Variants in SPPL3 observed in about 807,000 individuals in gnomAD.
The protein encoded by SPPL3 is signal peptide peptidase like 3, also known as signal peptide peptidase-like 3.
Under a neutral mutation model 42.4 loss-of-function variants are expected in SPPL3, and 5 were observed. The ratio of observed to expected loss-of-function variants is 0.12; its 90% CI spans 0.06 to 0.25. The LOEUF (loss-of-function observed/expected upper bound fraction) is 0.25. Among genes scored for constraint, SPPL3 ranks in the 10% least tolerant of loss-of-function variants. The pLI, the probability that SPPL3 is intolerant of heterozygous loss-of-function variation, is 1.00. For synonymous variants in SPPL3, 195 were observed against 181.8 expected, an observed-to-expected ratio of 1.07 and a Z score of -0.58; for missense variants, 235 against 489.0, an observed-to-expected ratio of 0.48 and a Z score of 4.90.
At chr12:120,823,735 G>A (rs971180843) in intron 1 of SPPL3, among the ~76,000 whole-genome samples, 1 of 152,146 alleles carries the variant, frequency 6.6e-6, no homozygotes, top group African/African-American at 2.4e-5. Flanking sequence ...ACTGAGTCAT[G>A]TGCCCAGCAC....
chr12:120,812,626 G>A (rs1487368953), intron 1 of SPPL3, among the ~76,000 whole-genome samples: 1 of 152,164 alleles, frequency 6.6e-6, no homozygotes, highest in African/African-American at 2.4e-5. Flanking sequence ...TCTCCAAATT[G>A]AAAGATCAGG....
At chr12:120,839,122 T>A (rs866868181) in intron 1 of SPPL3, among the ~76,000 whole-genome samples, 129 of 151,750 alleles carry the variant, frequency 8.5e-4, no homozygotes, top group African/African-American at 3.0e-3. Context: ...TGTCCAACAA[T>A]GATAGACTGG....
intron 1 of SPPL3, among the ~76,000 whole-genome samples, chr12:120,873,745 G>A (rs1401838133): frequency 6.6e-6 from 1 of 151,888 alleles, no homozygotes; most frequent in African/African-American, 2.4e-5. Flanking sequence ...GGTGGCACGT[G>A]CCTGTAATCC....
Position 120,773,111 on chromosome 12 carries a change from G to A in SPPL3, c.503-4052C>T, listed in dbSNP as rs145562740. 2.5e-3 allele frequency among the ~76,000 whole-genome samples: 379 copies of A among 152,322 alleles called. 6 individuals carry two copies. Among genetic ancestry groups the A allele is most frequent in the Admixed American group, 0.021 (320 of 15,304 alleles). ...CATTCAGAGCTGCAAAGGGATGACTGAAACATGATGTTTAGGACACTGAGA... is the reference window on the plus strand; with the variant it reads ...CATTCAGAGCTGCAAAGGGATGACTAAAACATGATGTTTAGGACACTGAGA... On this transcript the variant is annotated intron_variant, in intron 6 of 10. Coordinates refer to ENST00000353487, the MANE Select transcript of SPPL3 (RefSeq NM_139015.5).
At chr12:120,835,103 C>A (rs1871565511) in intron 1 of SPPL3, among the ~76,000 whole-genome samples, 1 of 152,138 alleles carries the variant, frequency 6.6e-6, no homozygotes, top group Non-Finnish European at 1.5e-5. Flanking sequence ...TCCTGTTAGA[C>A]CACAGTCTCC....
intron 1 of SPPL3, among the ~76,000 whole-genome samples, chr12:120,848,988 TATCC>T (rs1872135659): frequency 1.3e-5 from 2 of 151,900 alleles, no homozygotes; most frequent in South Asian, 4.2e-4. Flanking sequence ...ACTATGTAAA[TATCC>T]ATCTCTACAA....
chr12:120,770,059 T>C, intron 6 of SPPL3: 1 of 151,366 alleles, frequency 6.6e-6, no homozygotes, highest in Non-Finnish European at 1.5e-5. Context: ...CCACTTTTAT[T>C]TTTTTTGAGA....
intron 1 of SPPL3, among the ~76,000 whole-genome samples, chr12:120,816,338 G>A (rs1182703068): frequency 1.3e-5 from 2 of 152,070 alleles, no homozygotes; most frequent in Non-Finnish European, 2.9e-5. Context: ...TCTGATTAAA[G>A]TTCACCCCTA....
chr12:120,883,612 A>G (rs544965412), intron 1 of SPPL3, among the ~76,000 whole-genome samples: 14 of 152,354 alleles, frequency 9.2e-5, no homozygotes, highest in Non-Finnish European at 1.8e-4. Flanking sequence ...CTAAATATTT[A>G]TCAGAACAGA....
chr12:120,862,697 C>T (rs1021989774), intron 1 of SPPL3, among the ~76,000 whole-genome samples: 55 of 152,174 alleles, frequency 3.6e-4, no homozygotes, highest in African/African-American at 1.3e-3. Context: ...AGTCCAGAAG[C>T]TCTCAGAACT....
At chr12:120,804,995 C>A (rs1179835180) in intron 2 of SPPL3, among the ~76,000 whole-genome samples, 1 of 152,104 alleles carries the variant, frequency 6.6e-6, no homozygotes. Flanking sequence ...TACTGTATGA[C>A]ACCACTTATA....
intron 6 of SPPL3, among the ~76,000 whole-genome samples, chr12:120,776,917 G>T (rs1869340931): frequency 6.6e-6 from 1 of 152,170 alleles, no homozygotes; most frequent in South Asian, 2.1e-4. Context: ...GCATCTGCTA[G>T]CAGTGAAACT....
intron 1 of SPPL3, among the ~76,000 whole-genome samples, chr12:120,832,187 T>G (rs2137018704): frequency 6.6e-6 from 1 of 152,306 alleles, no homozygotes; most frequent in Non-Finnish European, 1.5e-5. Flanking sequence ...ACATTTTCAT[T>G]ATTATTACTC....
chr12:120,823,934 A>C (rs1049213104), intron 1 of SPPL3, among the ~76,000 whole-genome samples: 2 of 150,958 alleles, frequency 1.3e-5, no homozygotes, highest in Non-Finnish European at 3.0e-5. Flanking sequence ...GCAGTGGCGC[A>C]ATCTCAGCTC....
chr12:120,832,477 G>C (rs1871457060), intron 1 of SPPL3, among the ~76,000 whole-genome samples: 1 of 152,096 alleles, frequency 6.6e-6, no homozygotes, highest in Non-Finnish European at 1.5e-5. Flanking sequence ...TTCAAGACCA[G>C]CCAGACCAAC....
At chr12:120,765,883 A>G (rs1262787736) in intron 10 of SPPL3, among the ~76,000 whole-genome samples, 1 of 152,156 alleles carries the variant, frequency 6.6e-6, no homozygotes, top group Non-Finnish European at 1.5e-5. Context: ...AACACTATTC[A>G]ATCTTAATTA....
intron 10 of SPPL3, among the ~76,000 whole-genome samples, 158 bp downstream of exon 10, chr12:120,766,105 C>CGG: frequency 4.4e-5 from 1 of 22,968 alleles, no homozygotes; most frequent in Non-Finnish European, 1.0e-4. Context: ...CGCGCGCACA[C>CGG]ACACACACAC....
chr12:120,867,708 A>G (rs1053585171), intron 1 of SPPL3, among the ~76,000 whole-genome samples: 1 of 151,094 alleles, frequency 6.6e-6, no homozygotes, highest in African/African-American at 2.4e-5. Flanking sequence ...AGTTTATCTT[A>G]GAGTTGAACA....
intron 1 of SPPL3, among the ~76,000 whole-genome samples, chr12:120,812,534 T>C (rs1870719585): frequency 6.6e-6 from 1 of 152,188 alleles, no homozygotes. Flanking sequence ...GCTCATCACC[T>C]TCCACATGGT....
Sources: gnomAD v4.1 joint callset for allele counts (sites outside exome capture counted in the v4.1 genomes callset) on GRCh38, gnomAD v4.1.1 for gene constraint, MANE v1.5 for transcripts, NCBI Gene and HGNC (gene_info 2026-07-23, HGNC 2026-07-21) for gene names.